Variants in EML4 observed in about 807,000 individuals in gnomAD.
The protein encoded by EML4 is EMAP like 4.
EML4 carries 72 observed loss-of-function variants against 129.0 expected under a neutral mutation model. The ratio of observed to expected loss-of-function variants is 0.56; its 90% CI spans 0.46 to 0.68. The LOEUF (loss-of-function observed/expected upper bound fraction) is 0.68, where lower values mean the gene tolerates loss of function less well. Among genes scored for constraint, EML4 ranks in the 30% least tolerant of loss-of-function variants. The pLI is 0.00. For synonymous variants in EML4, 532 were observed against 405.0 expected, an observed-to-expected ratio of 1.31 and a Z score of -3.77; for missense variants, 1,363 against 1,190.6, an observed-to-expected ratio of 1.14 and a Z score of -2.13.
At chr2:42,283,263 T>C (rs992031508) in intron 8 of EML4, among the ~76,000 whole-genome samples, 8 of 152,312 alleles carry the variant, frequency 5.3e-5, no homozygotes, top group Middle Eastern at 3.4e-3. Flanking sequence ...GTGAAACATA[T>C]ATGGGACAGA....
Position 42,330,255 on chromosome 2 carries a change from G to C in EML4, c.*48G>C. On this transcript the variant is annotated 3_prime_UTR_variant, in exon 23 of 23. Transcript: ENST00000318522. ...TTTTCCTTCAGCTGCATGTGATTTT[G>C]TGATAAAGTTCAGGTAACAGGATGG... The C allele has an allele frequency of 6.4e-7, 1 of 1,554,216 alleles. No homozygotes were observed. The highest frequency in any genetic ancestry group is 1.4e-5 in the African/African-American group (1 of 73,776).
At chr2:42,231,305 G>C (rs1674326743) in intron 1 of EML4, among the ~76,000 whole-genome samples, 1 of 152,036 alleles carries the variant, frequency 6.6e-6, no homozygotes, top group Non-Finnish European at 1.5e-5. Context: ...GGATAACTTT[G>C]GCCCTATTCC....
intron 11 of EML4, among the ~76,000 whole-genome samples, chr2:42,294,844 C>T (rs1441560872): frequency 6.6e-6 from 1 of 152,088 alleles, no homozygotes; most frequent in African/African-American, 2.4e-5. Context: ...TTTAAGTGTA[C>T]TTTTCTGGCA....
At chr2:42,293,852 A>G (rs1009084039) in intron 11 of EML4, among the ~76,000 whole-genome samples, 1 of 151,754 alleles carries the variant, frequency 6.6e-6, no homozygotes, top group East Asian at 1.9e-4. Context: ...GTCGTGATCC[A>G]CCCGCCTCAG....
At chr2:42,245,741 A>T (rs558202813) in intron 2 of EML4, 54 bp downstream of exon 2, 27 of 1,471,384 alleles carry the variant, frequency 1.8e-5, no homozygotes, top group Non-Finnish European at 2.4e-5. Context: ...ATTTTCTTTG[A>T]AAGTTGAAGC....
At chr2:42,322,675 G>C (rs935338351) in intron 19 of EML4, among the ~76,000 whole-genome samples, 1 of 152,088 alleles carries the variant, frequency 6.6e-6, no homozygotes, top group Admixed American at 6.6e-5. Flanking sequence ...TTTTTTGTTT[G>C]TCTTCAAGGA....
At chr2:42,278,827 T>G (rs949399676) in intron 6 of EML4, among the ~76,000 whole-genome samples, 1 of 151,820 alleles carries the variant, frequency 6.6e-6, no homozygotes, top group Non-Finnish European at 1.5e-5. Flanking sequence ...TCCCAGCTAC[T>G]CGGGAGGCTG....
intron 1 of EML4, among the ~76,000 whole-genome samples, chr2:42,222,159 T>C (rs1025107017): frequency 6.6e-6 from 1 of 152,148 alleles, no homozygotes; most frequent in African/African-American, 2.4e-5. Context: ...TTAATAAAAA[T>C]TACATTTTCA....
intron 1 of EML4, among the ~76,000 whole-genome samples, chr2:42,206,564 A>C (rs2103994702): frequency 6.6e-6 from 1 of 152,274 alleles, no homozygotes; most frequent in Middle Eastern, 3.4e-3. Context: ...TGCCTACTTT[A>C]ATCTGGAACT....
intron 1 of EML4, among the ~76,000 whole-genome samples, chr2:42,235,152 C>T (rs1489744747): frequency 2.6e-5 from 4 of 152,156 alleles, no homozygotes; most frequent in South Asian, 4.1e-4. Flanking sequence ...AGAAATTAGC[C>T]GGGTGTGCTT....
intron 7 of EML4, among the ~76,000 whole-genome samples, chr2:42,281,585 G>C (rs938890043): frequency 6.6e-6 from 1 of 152,258 alleles, no homozygotes; most frequent in Middle Eastern, 3.4e-3. Context: ...CTTACTCTCC[G>C]TGAACCTTAA....
In EML4 at chr2:42,304,444, T is replaced by G. The variant is rs369425421; in HGVS notation, c.1900-40T>G. The G allele has an allele frequency of 1.0e-5, 16 of 1,547,406 alleles. No homozygotes were observed. In the African/African-American group the frequency reaches 2.0e-4, roughly 20 times the overall value. ...TTGCTACTGTCCCCATAGGGAGACT[T>G]TCTCATGTACTCCCCAACAGCTGTC... On this transcript the variant is annotated intron_variant, in intron 16 of 22. Transcript: ENST00000318522.
At position 42,169,640 on chromosome 2, in the gene EML4, A is replaced by T; in HGVS notation, c.25+4A>T. The T allele has an allele frequency of 6.2e-7, 1 of 1,601,612 alleles. No homozygotes were observed. Among genetic ancestry groups the T allele is most frequent in the Non-Finnish European group, 8.5e-7 (1 of 1,174,462 alleles). ...GACGGTTTCGCCGGCAGTCTCGGTGAGTACGGCTGGGGAGTCCTGCGTCTT... is the reference window on the plus strand; with the variant it reads ...GACGGTTTCGCCGGCAGTCTCGGTGTGTACGGCTGGGGAGTCCTGCGTCTT... On this transcript the variant is annotated splice_donor_region_variant and intron_variant, in intron 1 of 22. Coordinates refer to ENST00000318522, the MANE Select transcript of EML4 (RefSeq NM_019063.5).
intron 9 of EML4, chr2:42,285,877 G>A (rs1572690827): frequency 4.6e-6 from 1 of 216,588 alleles, no homozygotes; most frequent in Non-Finnish European, 9.5e-6. Context: ...AGGATTACCG[G>A]TGTGGGCCCC....
chr2:42,282,330 T>C (rs1276234386), intron 7 of EML4, among the ~76,000 whole-genome samples: 2 of 149,704 alleles, frequency 1.3e-5, no homozygotes, highest in South Asian at 2.1e-4. Flanking sequence ...GATCTTAACA[T>C]ACTGAAAGAG....
chr2:42,248,505 G>T (rs1250667692), intron 2 of EML4, among the ~76,000 whole-genome samples: 1 of 152,084 alleles, frequency 6.6e-6, no homozygotes, highest in East Asian at 1.9e-4. Context: ...CTTATTTTCT[G>T]TAAGTTGTCC....
intron 1 of EML4, among the ~76,000 whole-genome samples, chr2:42,193,905 G>C (rs540571319): frequency 6.6e-6 from 1 of 152,168 alleles, no homozygotes; most frequent in East Asian, 1.9e-4. Flanking sequence ...GTACTGTCTG[G>C]AACTCCTGGG....
intron 13 of EML4, among the ~76,000 whole-genome samples, chr2:42,299,377 G>A (rs1668147616): frequency 6.6e-6 from 1 of 152,120 alleles, no homozygotes. Context: ...TAACAACTTC[G>A]ATATATAATT....
rs142223677 is a variant in EML4, at chr2:42,210,023, CAG to C, written c.26-35479_26-35478del. On this transcript the variant is annotated intron_variant, in intron 1 of 22. Transcript: ENST00000318522. Reference sequence around the variant, plus strand: ...TTGCAGAAAAATCGAGTAGATCATACAGAGTTTCCACACACACCCCCCATTCC... The same window carrying C: ...TTGCAGAAAAATCGAGTAGATCATACAGTTTCCACACACACCCCCCATTCC... Among the ~76,000 whole-genome samples the C allele has an allele frequency of 6.3e-3, 961 of 152,246 alleles. 11 individuals carry two copies. Among genetic ancestry groups the C allele is most frequent in the African/African-American group, 0.022 (912 of 41,542 alleles).
Sources: gnomAD v4.1 joint callset for allele counts (sites outside exome capture counted in the v4.1 genomes callset) on GRCh38, gnomAD v4.1.1 for gene constraint, MANE v1.5 for transcripts, NCBI Gene and HGNC (gene_info 2026-07-23, HGNC 2026-07-21) for gene names.